MTMR10: variants seen among roughly 807,000 people sequenced by gnomAD.
MTMR10 encodes myotubularin-related protein 10.
Under a neutral mutation model 88.1 loss-of-function variants are expected in MTMR10, and 56 were observed. That is an observed-to-expected ratio of 0.64 (90% CI 0.51 to 0.79). The LOEUF is 0.79. Ranked by LOEUF, MTMR10 falls within the 30% of genes least tolerant of loss-of-function variation. The pLI is 0.00. For missense variants in MTMR10, 883 were observed against 924.7 expected (o/e 0.95, Z 0.58); for synonymous variants, 380 against 340.9 (o/e 1.11, Z -1.26).
chr15:30,938,816 A>G, downstream of MTMR10: 6 of 727,622 alleles, frequency 8.2e-6, no homozygotes, highest in Non-Finnish European at 1.0e-5. Flanking sequence ...ACTGATCACT[A>G]CCTGGCTTTA....
At chr15:30,942,123 T>C (rs2063075594) in intron 15 of MTMR10, 51 bp from the exon 16 acceptor site, 22 of 1,552,426 alleles carry the variant, frequency 1.4e-5, no homozygotes, top group Admixed American at 7.6e-5. Context: ...TTTAGAAAGA[T>C]TGAAGGATGC....
intron 6 of MTMR10, among the ~76,000 whole-genome samples, chr15:30,963,274 T>C (rs777518482): frequency 1.2e-4 from 18 of 152,096 alleles, no homozygotes; most frequent in Non-Finnish European, 2.4e-4. Flanking sequence ...TGTTAGGAAT[T>C]TGGACTCCTC....
chr15:30,925,677 C>G, the MTMR10 span: 1 of 1,226,770 alleles, frequency 8.2e-7, no homozygotes, highest in Non-Finnish European at 1.2e-6. Context: ...GTGTGCTCTA[C>G]TAAGTGACTG....
chr15:30,990,164 G>C (rs1398657866), intron 2 of MTMR10, among the ~76,000 whole-genome samples: 1 of 152,094 alleles, frequency 6.6e-6, no homozygotes, highest in Non-Finnish European at 1.5e-5. Flanking sequence ...ATGACTGGTG[G>C]CATTTTGGTG....
At chr15:30,927,367 C>T in the MTMR10 span, 18 of 985,524 alleles carry the variant, frequency 1.8e-5, no homozygotes, top group African/African-American at 3.1e-4. Context: ...AAAAGTCCTC[C>T]TGGAAGACTT....
chr15:30,940,086 A>T lies in MTMR10; in HGVS notation c.*1384T>A. Reference sequence around the variant, plus strand: ...TTTTAGAAAAGGAAATAAGCTAACTAGACACTTTACTATAAAAATTTTCCA... The same window carrying T: ...TTTTAGAAAAGGAAATAAGCTAACTTGACACTTTACTATAAAAATTTTCCA... On this transcript the variant is annotated 3_prime_UTR_variant, in exon 16 of 16. Coordinates refer to ENST00000435680, the MANE Select transcript of MTMR10 (RefSeq NM_017762.3). The T allele has an allele frequency of 1.0e-6, 1 of 983,786 alleles. No individual in the cohort carries two copies. Among genetic ancestry groups the T allele is most frequent in the Non-Finnish European group, 1.2e-6 (1 of 828,402 alleles). 60.9% of individuals were successfully genotyped at this position (983,786 alleles called of 1,614,324 possible).
the MTMR10 span, chr15:30,930,661 G>T: frequency 7.4e-6 from 12 of 1,612,366 alleles, no homozygotes; most frequent in Non-Finnish European, 1.0e-5. Context: ...TCCCAGAGCC[G>T]TCACTTTAAG....
In MTMR10 at chr15:30,991,060, T is replaced by C. The variant is rs566476678; in HGVS notation, c.61-223A>G. Among the ~76,000 whole-genome samples the C allele has an allele frequency of 6.6e-5, 10 of 152,234 alleles. No individual in the cohort carries two copies. The South Asian group carries it at 2.1e-3, about 32-fold the overall frequency. On this transcript the variant is annotated intron_variant, in intron 1 of 15. Transcript: ENST00000435680. The stretch of plus-strand genomic sequence containing the variant: ...AACTGCCAGTGTCGCTTCCAGGTGT[T>C]CACATTTATGACAGACGGGTAACCG...
chr15:30,920,725 G>A, the MTMR10 span: 15 of 848,004 alleles, frequency 1.8e-5, no homozygotes, highest in East Asian at 1.8e-4. Flanking sequence ...GACAGCTGTC[G>A]GGCTCTCAGC....
At chr15:30,936,471 A>G (rs964708939), downstream of MTMR10, among the ~76,000 whole-genome samples, 5 of 152,244 alleles carry the variant, frequency 3.3e-5, no homozygotes, top group Admixed American at 6.5e-5. Context: ...AGTAAAATCC[A>G]GTGCATGCTT....
In MTMR10 at chr15:30,959,015, T is replaced by C; in HGVS notation, c.846+19A>G. ...ACAATGGACGTCAGCATTCATAAAATCCAACAGAAATCACTTACTGGCATC... is the reference window on the plus strand; with the variant it reads ...ACAATGGACGTCAGCATTCATAAAACCCAACAGAAATCACTTACTGGCATC... On this transcript the variant is annotated intron_variant, in intron 8 of 15. Transcript: ENST00000435680. The C allele has an allele frequency of 6.2e-7, 1 of 1,613,458 alleles. No homozygotes were observed. The highest frequency in any genetic ancestry group is 8.5e-7 in the Non-Finnish European group (1 of 1,179,548).
rs2063201026 is a variant in MTMR10 at position 30,948,422 on chromosome 15, C to T, written c.1257G>A (p.Val419=). 2.5e-6 allele frequency: 4 copies of T among 1,612,664 alleles called. No individual in the cohort carries two copies. The highest frequency in any genetic ancestry group is 1.6e-4 in the Middle Eastern group (1 of 6,082). ...TTGTCCTAAAATAGGGATCCAGCAT[C>T]ACTTGAACAAGAGAAGCTACACAAC... ...LSCCVASLVQ[V]MLDPYFRTIT... Residue 419 remains valine, a synonymous_variant, in exon 13 of 16, where the codon GTG becomes GTA. Coordinates refer to ENST00000435680, the MANE Select transcript of MTMR10 (RefSeq NM_017762.3).
At chr15:30,948,554 T>G (rs572678269) in intron 12 of MTMR10, 83 bp from the exon 13 acceptor site, 1 of 1,398,876 alleles carries the variant, frequency 7.1e-7, no homozygotes, top group African/African-American at 1.5e-5. Flanking sequence ...CTAGATAATT[T>G]AGTATTCTGC....
At chr15:30,986,573 A>T (rs1054932208) in intron 2 of MTMR10, among the ~76,000 whole-genome samples, 1 of 152,240 alleles carries the variant, frequency 6.6e-6, no homozygotes, top group African/African-American at 2.4e-5. Context: ...AAAAGTATCT[A>T]TTCCAAGTAA....
the MTMR10 span, chr15:30,929,157 G>A: frequency 1.3e-6 from 2 of 1,566,220 alleles, no homozygotes; most frequent in Admixed American, 1.8e-5. Context: ...GGTGAACACG[G>A]CTCTCTGCAG....
intron 5 of MTMR10, among the ~76,000 whole-genome samples, chr15:30,973,915 T>C (rs573972292): frequency 9.8e-5 from 15 of 152,346 alleles, no homozygotes; most frequent in East Asian, 3.9e-4. Context: ...CTAAATCTTA[T>C]GTAACATAAG....
At chr15:30,948,580 T>C (rs754327523) in intron 12 of MTMR10, 109 bp from the exon 13 acceptor site, 35 of 1,119,260 alleles carry the variant, frequency 3.1e-5, no homozygotes, top group Non-Finnish European at 4.3e-5. Context: ...TAGGCTGCCT[T>C]CCAAATCTGT....
chr15:30,990,681 G>C (rs1313171886), intron 2 of MTMR10, 96 bp downstream of exon 2: 9 of 1,023,740 alleles, frequency 8.8e-6, no homozygotes, highest in South Asian at 1.5e-5. Context: ...AGTTTAATGA[G>C]AGAAGGGAAG....
chr15:30,963,693 T>C (rs144778258), intron 6 of MTMR10, among the ~76,000 whole-genome samples: 1 of 33,632 alleles, frequency 3.0e-5, no homozygotes, highest in Non-Finnish European at 9.3e-5. Context: ...AGATAGATAG[T>C]AAAATGCTCA....
Sources: allele counts gnomAD v4.1 joint callset (sites outside exome capture counted in the v4.1 genomes callset), GRCh38; gene constraint gnomAD v4.1.1; transcripts MANE v1.5; gene names NCBI Gene and HGNC (gene_info 2026-07-23, HGNC 2026-07-21).